Variants in CBFA2T3 observed in about 807,000 individuals in gnomAD.
The protein encoded by CBFA2T3 is CBFA2/RUNX1 partner transcriptional co-repressor 3.
A neutral mutation model predicts 58.6 loss-of-function variants in CBFA2T3; 31 were observed. The ratio of observed to expected loss-of-function variants is 0.53; its 90% confidence interval spans 0.40 to 0.71. The LOEUF (loss-of-function observed/expected upper bound fraction) is 0.71, where lower values mean the gene tolerates loss of function less well. CBFA2T3 is among the 30% of genes least tolerant of loss of function. The pLI, the probability that CBFA2T3 is intolerant of heterozygous loss-of-function variation, is 0.00. For missense variants in CBFA2T3, 1,076 were observed against 963.1 expected (o/e 1.12, Z -1.55); for synonymous variants, 531 against 421.9 (o/e 1.26, Z -3.17).
intron 1 of CBFA2T3, among the ~76,000 whole-genome samples, chr16:88,930,946 T>C (rs528224456): frequency 3.3e-5 from 5 of 151,890 alleles, no homozygotes; most frequent in South Asian, 2.1e-4. Flanking sequence ...TGGCGTTGCA[T>C]TGTGAGTGCA....
chr16:88,887,475 C>T lies in CBFA2T3; in HGVS notation c.712-1333G>A, dbSNP rs188910176. Among the ~76,000 whole-genome samples the T allele has an allele frequency of 9.9e-4, 151 of 152,242 alleles. 1 individual carries two copies. The highest frequency in any genetic ancestry group is 3.6e-3 in the African/African-American group (149 of 41,538). On this transcript the variant is annotated intron_variant, in intron 5 of 11. Coordinates refer to ENST00000268679, the MANE Select transcript of CBFA2T3 (RefSeq NM_005187.6). ...GGGCCAGCTGAGGCCAGCTGGGAGC[C>T]GGGGCGGTGGGTGGGGCTGCATCCC...
intron 1 of CBFA2T3, among the ~76,000 whole-genome samples, chr16:88,922,058 G>C (rs1010533903): frequency 6.6e-6 from 1 of 152,234 alleles, no homozygotes; most frequent in South Asian, 2.1e-4. Flanking sequence ...TGATTTCAGG[G>C]CTGGTGTCGA....
intron 5 of CBFA2T3, among the ~76,000 whole-genome samples, chr16:88,888,948 G>C (rs909479802): frequency 6.6e-6 from 1 of 151,788 alleles, no homozygotes; most frequent in Non-Finnish European, 1.5e-5. Flanking sequence ...GGCGTGGCCG[G>C]GGGACACCAG....
chr16:88,968,626 G>A (rs1245218437), intron 1 of CBFA2T3, among the ~76,000 whole-genome samples: 4 of 152,230 alleles, frequency 2.6e-5, no homozygotes, highest in Admixed American at 1.3e-4. Context: ...AGGGGCAGAA[G>A]CAGCTGAGAC....
intron 11 of CBFA2T3, among the ~76,000 whole-genome samples, chr16:88,878,377 A>C (rs1968921516): frequency 6.6e-6 from 1 of 152,320 alleles, no homozygotes; most frequent in African/African-American, 2.4e-5. Flanking sequence ...TGGCCCAGGC[A>C]CAGATGCACA....
intron 1 of CBFA2T3, among the ~76,000 whole-genome samples, chr16:88,965,936 A>C (rs1209063867): frequency 6.6e-6 from 1 of 152,192 alleles, no homozygotes; most frequent in Non-Finnish European, 1.5e-5. Context: ...GGTCCTCTCC[A>C]CTGTGCCCGG....
chr16:88,975,151 G>C (rs62045815), intron 1 of CBFA2T3, among the ~76,000 whole-genome samples: 1 of 83,348 alleles, frequency 1.2e-5, no homozygotes, highest in Non-Finnish European at 3.2e-5. Flanking sequence ...AGCCATGTCA[G>C]AGGTCCACCC....
At chr16:88,908,954 G>A (rs1970431515) in intron 1 of CBFA2T3, among the ~76,000 whole-genome samples, 1 of 152,202 alleles carries the variant, frequency 6.6e-6, no homozygotes, top group Admixed American at 6.5e-5. Context: ...TGAGGCACGG[G>A]CCCTGGGCAC....
chr16:88,949,161 G>A (rs1187497345), intron 1 of CBFA2T3, among the ~76,000 whole-genome samples: 2 of 152,226 alleles, frequency 1.3e-5, no homozygotes, highest in Non-Finnish European at 2.9e-5. Context: ...TTAAAATTAA[G>A]GCAGCCGAGA....
At chr16:88,881,171 C>G in intron 9 of CBFA2T3, 120 bp downstream of exon 9, 1 of 945,230 alleles carries the variant, frequency 1.1e-6, no homozygotes, top group South Asian at 1.4e-5. Context: ...AAAGGTGCCT[C>G]TTTCTCAAGC....
intron 1 of CBFA2T3, among the ~76,000 whole-genome samples, chr16:88,903,244 T>C (rs1409421581): frequency 6.6e-6 from 1 of 152,226 alleles, no homozygotes; most frequent in Non-Finnish European, 1.5e-5. Flanking sequence ...CTGATCCTCT[T>C]GCCGCCGGCT....
Position 88,882,096 on chromosome 16 carries a change from C to G in CBFA2T3, c.1203+580G>C, listed in dbSNP as rs1969108775. 3.3e-5 allele frequency among the ~76,000 whole-genome samples: 5 copies of G among 152,372 alleles called. No homozygotes were observed. The Middle Eastern group carries it at 0.01, about 311-fold the overall frequency. ...GTTTTAGGAATCCTCCTCCCTGGGC[C>G]TCTCGAGATGCCTGGGCTGCGCTGA... On this transcript the variant is annotated intron_variant, in intron 8 of 11. Transcript: ENST00000268679.
At chr16:88,898,257 T>G in intron 2 of CBFA2T3, 105 bp from the exon 3 acceptor site, 1 of 872,760 alleles carries the variant, frequency 1.1e-6, no homozygotes, top group East Asian at 2.5e-5. Flanking sequence ...AGAGTGATTT[T>G]TGGTGGGGGC....
At chr16:88,976,614 G>C in intron 1 of CBFA2T3, 43 bp downstream of exon 1, 1 of 1,449,754 alleles carries the variant, frequency 6.9e-7, no homozygotes, top group Non-Finnish European at 9.4e-7. Context: ...ACCGGCTGCC[G>C]CTCTCTGCCC....
chr16:88,880,958 C>T, intron 9 of CBFA2T3, 170 bp from the exon 10 acceptor site: 1 of 687,848 alleles, frequency 1.5e-6, no homozygotes, highest in Admixed American at 2.2e-5. Flanking sequence ...AGGGCAGTGC[C>T]CGGGCACGGG....
chr16:88,898,023 G>T, intron 3 of CBFA2T3, 55 bp downstream of exon 3: 2 of 1,300,366 alleles, frequency 1.5e-6, no homozygotes, highest in South Asian at 1.2e-5. Flanking sequence ...GGCCAGCTGA[G>T]GATGCTGCGG....
chr16:88,929,006 C>A (rs1186530886), intron 1 of CBFA2T3, among the ~76,000 whole-genome samples: 3 of 152,192 alleles, frequency 2.0e-5, no homozygotes, highest in Admixed American at 2.0e-4. Flanking sequence ...TTGGAGGCCC[C>A]ACGAGGACCT....
rs1294323766 is a variant in CBFA2T3, at chr16:88,876,710, G to A, written c.*266C>T. On this transcript the variant is annotated 3_prime_UTR_variant, in exon 12 of 12. Coordinates refer to ENST00000268679, the MANE Select transcript of CBFA2T3 (RefSeq NM_005187.6). ...TCTAAAGCTCAGTCGAGGCTTCTGA[G>A]GATGCTTGAAGAGACGTTGTCAGGA... 4.6e-6 allele frequency: 2 copies of A among 430,282 alleles called. No individual in the cohort carries two copies. The highest frequency in any genetic ancestry group is 8.1e-6 in the Non-Finnish European group (2 of 245,520). The allele number at this position is 430,282 out of a possible 1,614,324, so 26.7% of individuals were successfully genotyped here.
intron 1 of CBFA2T3, among the ~76,000 whole-genome samples, chr16:88,968,057 G>A (rs977725741): frequency 4.6e-5 from 7 of 152,236 alleles, no homozygotes; most frequent in South Asian, 2.1e-4. Context: ...TGGGTTCGAC[G>A]GGTCATGGGG....
Sources: allele counts gnomAD v4.1 joint callset (sites outside exome capture counted in the v4.1 genomes callset), GRCh38; gene constraint gnomAD v4.1.1; transcripts MANE v1.5; gene names NCBI Gene and HGNC (gene_info 2026-07-23, HGNC 2026-07-21).